The following SIN3A variants were observed in gnomAD, a reference collection of about 807,000 sequenced individuals.
The protein encoded by SIN3A is SIN3 transcription regulator family member A.
SIN3A carries 14 observed loss-of-function variants against 146.1 expected under a neutral mutation model. The observed-to-expected ratio is 0.10, with a 90% CI of 0.06 to 0.15. The LOEUF is 0.15. SIN3A is among the 10% of genes least tolerant of loss of function. SIN3A has a pLI of 1.00. For missense variants in SIN3A, 1,028 were observed against 1,576.0 expected, an observed-to-expected ratio of 0.65 and a Z score of 5.89; for synonymous variants, 572 against 572.0, an observed-to-expected ratio of 1.00 and a Z score of 0.00.
intron 17 of SIN3A, among the ~76,000 whole-genome samples, chr15:75,382,177 A>C (rs1463844876): frequency 6.6e-6 from 1 of 152,226 alleles, no homozygotes; most frequent in Non-Finnish European, 1.5e-5. Flanking sequence ...CACAGAGACA[A>C]AACTGAAATT....
intron 12 of SIN3A, among the ~76,000 whole-genome samples, chr15:75,396,771 T>C (rs775250650): frequency 2.6e-5 from 4 of 152,102 alleles, no homozygotes; most frequent in Non-Finnish European, 5.9e-5. Context: ...GGATAAATGG[T>C]AGTTATTACC....
intron 15 of SIN3A, among the ~76,000 whole-genome samples, chr15:75,390,851 C>T (rs917128248): frequency 4.6e-5 from 7 of 152,180 alleles, no homozygotes; most frequent in African/African-American, 1.4e-4. Flanking sequence ...GCTGGGATTA[C>T]AGGTGTAAGC....
chr15:75,410,175 A>T lies in SIN3A; in HGVS notation c.1120T>A (p.Ser374Thr). ...RLFKNQEDLL[S>T]EFGQFLPDAN... The stretch of plus-strand genomic sequence containing the variant: ...TCTGGTAGGAATTGTCCAAACTCTG[A>T]CAACAAATCTTCCTGGTTTTTAAAG... The change falls in exon 7 of 21, where the codon TCA (serine) becomes ACA (threonine). Residue 374 changes from serine (S) to threonine (T), a missense_variant. Coordinates refer to ENST00000394947, the MANE Select transcript of SIN3A (RefSeq NM_001145358.2). 6.2e-7 allele frequency: 1 copy of T among 1,614,178 alleles called. No homozygotes were observed. The highest frequency in any genetic ancestry group is 8.5e-7 in the Non-Finnish European group (1 of 1,180,014).
intron 1 of SIN3A, among the ~76,000 whole-genome samples, chr15:75,444,439 C>G (rs889922670): frequency 2.0e-5 from 3 of 151,466 alleles, no homozygotes; most frequent in Non-Finnish European, 2.9e-5. Context: ...GACCGCATCT[C>G]AAAAATAAAA....
chr15:75,426,999 G>A (rs2141557893), intron 2 of SIN3A, among the ~76,000 whole-genome samples: 1 of 152,124 alleles, frequency 6.6e-6, no homozygotes, highest in East Asian at 1.9e-4. Flanking sequence ...TATAAAACTG[G>A]ATACCCAAGA....
chr15:75,389,549 A>T (rs2073158300), intron 16 of SIN3A, 103 bp downstream of exon 16: 4 of 1,114,148 alleles, frequency 3.6e-6, no homozygotes, highest in Non-Finnish European at 5.3e-6. Context: ...CTACGTTCAT[A>T]AACACTGTTA....
intron 1 of SIN3A, among the ~76,000 whole-genome samples, chr15:75,443,248 G>T (rs1325014611): frequency 6.6e-6 from 1 of 152,116 alleles, no homozygotes; most frequent in Admixed American, 6.6e-5. Context: ...TCTTCTCTTT[G>T]CCATTATAGG....
At chr15:75,441,211 G>A (rs1310289452) in intron 1 of SIN3A, among the ~76,000 whole-genome samples, 2 of 151,986 alleles carry the variant, frequency 1.3e-5, no homozygotes, top group Non-Finnish European at 2.9e-5. Context: ...TCAGGAAGCT[G>A]AGTCAGTAGA....
At position 75,400,071 on chromosome 15, in the gene SIN3A, T is replaced by C; in HGVS notation, c.1823A>G (p.His608Arg). 2.5e-6 allele frequency: 4 copies of C among 1,609,606 alleles called. No individual in the cohort carries two copies. The highest frequency in any genetic ancestry group is 2.6e-6 in the Non-Finnish European group (3 of 1,175,946). ...GCGTTCATCTTCACAACGATAAATA[T>C]GTTCTTCATATTGAGTCTTCTTGGA... ...VSSKKTQYEE[H>R]IYRCEDERFE... Residue 608 changes from histidine to arginine, a missense_variant, in exon 12 of 21, where the codon CAT (histidine) becomes CGT (arginine). Physicochemically the swap from His to Arg is conservative, Grantham distance 29. Coordinates refer to ENST00000394947, the MANE Select transcript of SIN3A (RefSeq NM_001145358.2).
At chr15:75,451,777 G>A (rs538689536), upstream of SIN3A, 59 of 145,752 alleles carry the variant, frequency 4.0e-4, no homozygotes, top group South Asian at 1.5e-3. Flanking sequence ...ATACCCGCCC[G>A]TCAAAGACTC....
intron 2 of SIN3A, among the ~76,000 whole-genome samples, chr15:75,425,396 G>T (rs966947805): frequency 2.0e-5 from 3 of 152,148 alleles, no homozygotes; most frequent in African/African-American, 7.2e-5. Flanking sequence ...TCGAACTCCT[G>T]ACCTCAAATG....
chr15:75,397,880 A>G (rs562350221), intron 12 of SIN3A, among the ~76,000 whole-genome samples: 2 of 152,354 alleles, frequency 1.3e-5, no homozygotes, highest in South Asian at 4.1e-4. Context: ...CGTAAGTAAC[A>G]AAGAAATGCC....
intron 8 of SIN3A, among the ~76,000 whole-genome samples, chr15:75,408,023 A>G (rs2073551705): frequency 6.6e-6 from 1 of 152,166 alleles, no homozygotes; most frequent in African/African-American, 2.4e-5. Flanking sequence ...TACTTTTAAA[A>G]TCCACCACTT....
Position 75,422,601 on chromosome 15 carries a change from T to C in SIN3A, c.366+46A>G, listed in dbSNP as rs769574573. ...CCAACAAGCTGCAACCAGTATTTCC[T>C]GCTAAAGATAAATTTTTTGACCCAA... On this transcript the variant is annotated intron_variant, in intron 3 of 20. Transcript: ENST00000394947. 4.4e-6 allele frequency: 7 copies of C among 1,602,498 alleles called. 1 individual carries two copies. The highest frequency in any genetic ancestry group is 6.0e-6 in the Non-Finnish European group (7 of 1,169,510).
chr15:75,426,981 T>G (rs1462210645), intron 2 of SIN3A, among the ~76,000 whole-genome samples: 1 of 152,006 alleles, frequency 6.6e-6, no homozygotes, highest in African/African-American at 2.4e-5. Context: ...GATGAGCTTG[T>G]ATATGCATAT....
chr15:75,439,839 G>A (rs2074171598), intron 1 of SIN3A, among the ~76,000 whole-genome samples: 1 of 151,722 alleles, frequency 6.6e-6, no homozygotes, highest in Admixed American at 6.6e-5. Flanking sequence ...ATACCATAAT[G>A]CTCATTAAAT....
chr15:75,375,981 T>G, intron 19 of SIN3A, 109 bp from the exon 20 acceptor site: 2 of 1,060,060 alleles, frequency 1.9e-6, no homozygotes, highest in Non-Finnish European at 2.8e-6. Context: ...TCATCCCAAT[T>G]TGTTAAATAC....
At chr15:75,385,288 G>GA (rs2073057095) in intron 16 of SIN3A, among the ~76,000 whole-genome samples, 5 of 152,326 alleles carry the variant, frequency 3.3e-5, no homozygotes, top group African/African-American at 9.6e-5. Flanking sequence ...GTGCTCAGCT[G>GA]AAGAAGGAGG....
intron 15 of SIN3A, among the ~76,000 whole-genome samples, chr15:75,390,345 A>T (rs1242281199): frequency 6.6e-6 from 1 of 152,238 alleles, no homozygotes; most frequent in Non-Finnish European, 1.5e-5. Flanking sequence ...TGAATAATGA[A>T]GTAATCTGCA....
Sources: gnomAD v4.1 joint callset for allele counts (sites outside exome capture counted in the v4.1 genomes callset) on GRCh38, gnomAD v4.1.1 for gene constraint, MANE v1.5 for transcripts, NCBI Gene and HGNC (gene_info 2026-07-23, HGNC 2026-07-21) for gene names.